Variants in PTPRJ observed in about 807,000 individuals in gnomAD.
PTPRJ encodes the protein protein tyrosine phosphatase receptor type J.
In PTPRJ, 129 loss-of-function variants were observed where a neutral mutation model predicts 141.3. The ratio of observed to expected loss-of-function variants is 0.91; its 90% CI spans 0.79 to 1.06. The LOEUF (loss-of-function observed/expected upper bound fraction) is 1.06. Among genes scored for constraint, PTPRJ ranks in the 50% least tolerant of loss-of-function variants. The probability of loss-of-function intolerance (pLI) is 0.00; values close to 1 mark genes in which losing one functional copy is unlikely to be tolerated. For synonymous variants in PTPRJ, 610 were observed against 640.5 expected, an observed-to-expected ratio of 0.95 and a Z score of 0.72; for missense variants, 1,601 against 1,679.7, an observed-to-expected ratio of 0.95 and a Z score of 0.82.
intron 1 of PTPRJ, among the ~76,000 whole-genome samples, chr11:48,039,862 C>T (rs1255984284): frequency 6.6e-6 from 1 of 151,748 alleles, no homozygotes; most frequent in African/African-American, 2.4e-5. Flanking sequence ...GATCTTGGCT[C>T]ACTGCAGCCT....
chr11:48,140,367 C>G (rs1474091780), intron 11 of PTPRJ, among the ~76,000 whole-genome samples: 2 of 152,152 alleles, frequency 1.3e-5, no homozygotes, highest in African/African-American at 4.8e-5. Flanking sequence ...TTACTGTGTG[C>G]TATGGTGAGG....
chr11:48,157,056 C>T (rs1857629460), intron 21 of PTPRJ, among the ~76,000 whole-genome samples: 1 of 151,796 alleles, frequency 6.6e-6, no homozygotes, highest in Admixed American at 6.6e-5. Flanking sequence ...GTGGTGTGAT[C>T]TTGGCTTTTG....
Position 48,155,975 on chromosome 11 carries a change from C to T in PTPRJ, c.3304-10C>T. 6.2e-7 allele frequency: 1 copy of T among 1,608,790 alleles called. No homozygotes were observed. The highest frequency in any genetic ancestry group is 1.1e-5 in the South Asian group (1 of 90,622). On this transcript the variant is annotated splice_polypyrimidine_tract_variant and intron_variant, in intron 20 of 24. Coordinates refer to ENST00000418331, the MANE Select transcript of PTPRJ (RefSeq NM_002843.4). Reference sequence around the variant, plus strand: ...TTTGAGGTTGACTATGTGCTGTTTCCCATTTTTAGGGCTACCACTCCAAGA... The same window carrying T: ...TTTGAGGTTGACTATGTGCTGTTTCTCATTTTTAGGGCTACCACTCCAAGA...
In PTPRJ at chr11:48,090,374, A is replaced by T. The variant is rs116811111; in HGVS notation, c.97-19684A>T. Among the ~76,000 whole-genome samples the T allele has an allele frequency of 1.0e-2, 1,517 of 152,304 alleles. 22 individuals are homozygous for T. The highest frequency in any genetic ancestry group is 0.034 in the African/African-American group (1,432 of 41,568). ...TCTCCCTCCCAGACCCCCAGCTCAC[A>T]CTGGTCTTGAAGGGCGTGGCATCTG... On this transcript the variant is annotated intron_variant, in intron 1 of 24. Coordinates refer to ENST00000418331, the MANE Select transcript of PTPRJ (RefSeq NM_002843.4).
At chr11:48,034,605 A>G (rs1482578423) in intron 1 of PTPRJ, among the ~76,000 whole-genome samples, 1 of 152,168 alleles carries the variant, frequency 6.6e-6, no homozygotes, top group South Asian at 2.1e-4. Flanking sequence ...AGCTTTGTAC[A>G]TATTACTTGT....
chr11:48,026,996 CTTTTT>C (rs1206503872), intron 1 of PTPRJ, among the ~76,000 whole-genome samples: 2 of 113,228 alleles, frequency 1.8e-5, no homozygotes, highest in Non-Finnish European at 3.6e-5. Context: ...TTGGAATACC[CTTTTT>C]TTTTTTTTTT....
chr11:48,143,843 C>CCTCCCCTT (rs1291724275), intron 12 of PTPRJ, among the ~76,000 whole-genome samples: 38 of 137,126 alleles, frequency 2.8e-4, no homozygotes, highest in African/African-American at 6.4e-4. Flanking sequence ...CTCTCCTCCT[C>CCTCCCCTT]CTCCCCTTCT....
intron 1 of PTPRJ, among the ~76,000 whole-genome samples, chr11:48,026,717 G>A (rs895843883): frequency 5.3e-5 from 8 of 151,938 alleles, no homozygotes; most frequent in Non-Finnish European, 1.0e-4. Flanking sequence ...CAAAGTGCTG[G>A]GATTACAGGT....
chr11:48,033,607 G>A (rs1854044753), intron 1 of PTPRJ, among the ~76,000 whole-genome samples: 1 of 152,184 alleles, frequency 6.6e-6, no homozygotes, highest in Non-Finnish European at 1.5e-5. Context: ...TGTGCTATGG[G>A]ATGGATTAAC....
At chr11:48,153,375 A>G (rs942584480) in intron 18 of PTPRJ, among the ~76,000 whole-genome samples, 3 of 151,944 alleles carry the variant, frequency 2.0e-5, no homozygotes, top group African/African-American at 7.3e-5. Context: ...TCTACTAAAA[A>G]TACAAAAAAT....
chr11:48,033,842 T>A (rs1459464107), intron 1 of PTPRJ, among the ~76,000 whole-genome samples: 1 of 152,216 alleles, frequency 6.6e-6, no homozygotes, highest in Non-Finnish European at 1.5e-5. Context: ...GGAAGACACC[T>A]ACCGGAAGTC....
chr11:48,012,269 G>T (rs1854817101), intron 1 of PTPRJ, among the ~76,000 whole-genome samples: 1 of 152,066 alleles, frequency 6.6e-6, no homozygotes, highest in Admixed American at 6.6e-5. Flanking sequence ...CCTCTAAGTG[G>T]TGCTCATTGA....
chr11:48,016,215 C>A (rs1271013594), intron 1 of PTPRJ, among the ~76,000 whole-genome samples: 1 of 152,176 alleles, frequency 6.6e-6, no homozygotes, highest in African/African-American at 2.4e-5. Context: ...AGAACCCATA[C>A]CTCTGCTTCT....
rs1856693959 is a variant in PTPRJ, at chr11:48,121,073, T to C, written c.423T>C (p.Ser141=). The C allele has an allele frequency of 6.2e-7, 1 of 1,613,884 alleles. No individual in the cohort carries two copies. The highest frequency in any genetic ancestry group is 2.2e-5 in the East Asian group (1 of 44,858). Reference sequence around the variant, plus strand: ...CCAATGTGATCTTAACTTGGAAAAGTAATGACACAGCTGCTTCTGAGTACA... The same window carrying C: ...CCAATGTGATCTTAACTTGGAAAAGCAATGACACAGCTGCTTCTGAGTACA... ...SPTNVILTWK[S]NDTAASEYKY... The change falls in exon 4 of 25, where the codon AGT becomes AGC. Residue 141 remains serine (S), a synonymous_variant. Coordinates refer to ENST00000418331, the MANE Select transcript of PTPRJ (RefSeq NM_002843.4).
At chr11:48,161,512 C>T (rs1334119218) in intron 22 of PTPRJ, among the ~76,000 whole-genome samples, 5 of 152,196 alleles carry the variant, frequency 3.3e-5, no homozygotes, top group African/African-American at 7.2e-5. Context: ...TTCAGTTCCT[C>T]CTCTGGAGAT....
chr11:48,118,236 C>A (rs1474715104), intron 3 of PTPRJ, among the ~76,000 whole-genome samples: 1 of 152,190 alleles, frequency 6.6e-6, no homozygotes, highest in African/African-American at 2.4e-5. Flanking sequence ...GTGTGCACCA[C>A]TACATCCAGC....
At chr11:48,066,792 G>A (rs975834191) in intron 1 of PTPRJ, among the ~76,000 whole-genome samples, 1 of 151,888 alleles carries the variant, frequency 6.6e-6, no homozygotes, top group Non-Finnish European at 1.5e-5. Flanking sequence ...CACCATGTTG[G>A]CCAGGCTCAT....
intron 1 of PTPRJ, among the ~76,000 whole-genome samples, chr11:48,035,147 C>T (rs1481166233): frequency 6.6e-6 from 1 of 152,194 alleles, no homozygotes; most frequent in Non-Finnish European, 1.5e-5. Context: ...CTTTGTGGCC[C>T]ATGGCACCCA....
At chr11:48,042,927 A>G (rs1033585008) in intron 1 of PTPRJ, among the ~76,000 whole-genome samples, 3 of 152,214 alleles carry the variant, frequency 2.0e-5, no homozygotes, top group Non-Finnish European at 2.9e-5. Flanking sequence ...ATAGATAGCC[A>G]TATTTTCCAG....
Sources: allele counts gnomAD v4.1 joint callset (sites outside exome capture counted in the v4.1 genomes callset), GRCh38; gene constraint gnomAD v4.1.1; transcripts MANE v1.5; gene names NCBI Gene and HGNC (gene_info 2026-07-23, HGNC 2026-07-21).